Variants in ROBO3 observed in about 807,000 individuals in gnomAD.
ROBO3 encodes the protein roundabout guidance receptor 3.
Under a neutral mutation model 160.5 loss-of-function variants are expected in ROBO3, and 97 were observed. The ratio of observed to expected loss-of-function variants is 0.60; its 90% CI spans 0.51 to 0.72. The LOEUF (loss-of-function observed/expected upper bound fraction) is 0.72. Among genes scored for constraint, ROBO3 ranks in the 30% least tolerant of loss-of-function variants. The pLI, the probability that ROBO3 is intolerant of heterozygous loss-of-function variation, is 0.00. For synonymous variants in ROBO3, 780 were observed against 746.2 expected (o/e 1.05, Z -0.74); for missense variants, 1,858 against 1,846.5 (o/e 1.01, Z -0.11).
At position 124,874,121 on chromosome 11, in the gene ROBO3, G is replaced by C. The variant is rs889301740; in HGVS notation, c.1836G>C (p.Glu612Asp). 1 of 1,613,990 alleles carries C rather than the reference G, an allele frequency of 6.2e-7. No individual in the cohort carries two copies. Among genetic ancestry groups the C allele is most frequent in the Non-Finnish European group, 8.5e-7 (1 of 1,179,892 alleles). The change falls in exon 12 of 28, where the codon GAG (glutamate) becomes GAC (aspartate). Residue 612 changes from glutamate (E) to aspartate (D), a missense_variant. Coordinates refer to ENST00000397801, the MANE Select transcript of ROBO3 (RefSeq NM_022370.4). ...WRTVADGVQL[E>D]THTVSGLQPN... ...CTGTGGCAGATGGCGTGCAGCTGGAGACACACACAGTCAGCGGTCTGCAGC... is the reference window on the plus strand; with the variant it reads ...CTGTGGCAGATGGCGTGCAGCTGGACACACACACAGTCAGCGGTCTGCAGC...
At chr11:124,868,406 A>C in intron 1 of ROBO3, 1 of 522,002 alleles carries the variant, frequency 1.9e-6, no homozygotes, top group Non-Finnish European at 3.5e-6. Context: ...AGCAAGGACG[A>C]TCCGTGAACC....
chr11:124,875,355 C>A lies in ROBO3; in HGVS notation c.2299+19C>A, dbSNP rs1302575967. 6.6e-7 allele frequency: 1 copy of A among 1,506,378 alleles called. No individual in the cohort carries two copies. The highest frequency in any genetic ancestry group is 1.8e-5 in the Admixed American group (1 of 55,110). The allele number at this position is 1,506,378 out of a possible 1,614,324, so 93.3% of individuals were successfully genotyped here. ...GAGGAGGGTAAGGAGGGCCACCGAA[C>A]AGATGGATGGACAAGAGGGAAGAAG... is the stretch of plus-strand genomic sequence containing the variant. On this transcript the variant is annotated intron_variant, in intron 14 of 27. Transcript: ENST00000397801.
Position 124,869,154 on chromosome 11 carries a change from G to T in ROBO3, c.487+26G>T. The T allele has an allele frequency of 2.0e-6, 3 of 1,514,794 alleles. No individual in the cohort carries two copies. The highest frequency in any genetic ancestry group is 2.7e-6 in the Non-Finnish European group (3 of 1,129,124). The allele number at this position is 1,514,794 out of a possible 1,614,324, so 93.8% of individuals were successfully genotyped here. A position where few individuals can be genotyped will look rare whatever the true frequency, so the allele number is the denominator to read the frequency against. On this transcript the variant is annotated intron_variant, in intron 2 of 27. Coordinates refer to ENST00000397801, the MANE Select transcript of ROBO3 (RefSeq NM_022370.4). This position sits in a 1 kb window ranked among gnomAD's most constrained non-coding sequence, Gnocchi z 4.2. ...GTGAGAGTCAGTTGACCGTCAGCTG[G>T]TTGCTTCCAGAGCCTGGGGTAGGCG...
Position 124,878,760 on chromosome 11 carries a change from C to G in ROBO3, c.3497C>G (p.Pro1166Arg). ...LTPSPPDPPQPPTDMPHLHQM... is the reference protein window; with the variant it reads ...LTPSPPDPPQRPTDMPHLHQM... ...CCCTCACCTCCTGACCCTCCCCAGC[C>G]CCCAACTGACATGCCCCATCTCCAT... is the stretch of plus-strand genomic sequence containing the variant. Residue 1166 changes from proline to arginine, a missense_variant, in exon 23 of 28, where the codon CCC becomes CGC. Coordinates refer to ENST00000397801, the MANE Select transcript of ROBO3 (RefSeq NM_022370.4). This position sits in a 1 kb window ranked among gnomAD's most constrained non-coding sequence, Gnocchi z 4.3. 6.2e-7 allele frequency: 1 copy of G among 1,613,674 alleles called. No individual in the cohort carries two copies. The highest frequency in any genetic ancestry group is 8.5e-7 in the Non-Finnish European group (1 of 1,179,848).
intron 13 of ROBO3, 33 bp from the exon 14 acceptor site, chr11:124,875,078 C>T: frequency 6.4e-7 from 1 of 1,557,796 alleles, no homozygotes; most frequent in Non-Finnish European, 8.7e-7. Context: ...CCCCAGCCTC[C>T]CCTTCTGGTG....
chr11:124,873,090 G>A lies in ROBO3; in HGVS notation c.1536+1G>A, dbSNP rs1295362049. The A allele has an allele frequency of 1.2e-6, 2 of 1,612,656 alleles. No homozygotes were observed. Among genetic ancestry groups the A allele is most frequent in the Admixed American group, 1.7e-5 (1 of 59,950 alleles). ...TACCCTGTACATCGCCAATGTGCAG[G>A]TGAGTGTCACCCCTGGGGCCCTAGT... On this transcript the variant is annotated splice_donor_variant, in intron 9 of 27. Coordinates refer to ENST00000397801, the MANE Select transcript of ROBO3 (RefSeq NM_022370.4). LOFTEE classifies it high-confidence loss of function. This position sits in a 1 kb window ranked among gnomAD's most constrained non-coding sequence, Gnocchi z 4.5.
At position 124,869,483 on chromosome 11, in the gene ROBO3, A is replaced by C; in HGVS notation, c.521A>C (p.Asn174Thr). The C allele has an allele frequency of 1.3e-6, 2 of 1,544,670 alleles. No homozygotes were observed. The highest frequency in any genetic ancestry group is 3.8e-5 in the Admixed American group (2 of 52,078). Residue 174 changes from asparagine (N) to threonine (T), a missense_variant, in exon 3 of 28, where the codon AAC (asparagine) becomes ACC (threonine). Asn to Thr is a moderately conservative substitution (Grantham distance 65, BLOSUM62 0). Coordinates refer to ENST00000397801, the MANE Select transcript of ROBO3 (RefSeq NM_022370.4). This position sits in a 1 kb window ranked among gnomAD's most constrained non-coding sequence, Gnocchi z 4.2. Reference protein sequence around the residue: ...LRDDFRQSPGNVVVAVGEPAV... With the variant: ...LRDDFRQSPGTVVVAVGEPAV... ...GATGATTTCCGGCAGTCTCCTGGAA[A>C]CGTGGTGGTGGCAGTGGGGGAGCCA...
In ROBO3 at chr11:124,873,745, C is replaced by T. The variant is rs745766681; in HGVS notation, c.1667C>T (p.Pro556Leu). The part of the protein sequence containing the change: ...PDPPTEPSSP[P>L]GAPSQPVVTE... ...CCCCCTACAGAACCCAGTTCCCCTCCGGGGGCTCCCTCTCAGCCAGTGGTC... is the reference window on the plus strand; with the variant it reads ...CCCCCTACAGAACCCAGTTCCCCTCTGGGGGCTCCCTCTCAGCCAGTGGTC... Residue 556 changes from proline (P) to leucine (L), a missense_variant, in exon 11 of 28, where the codon CCG becomes CTG. Transcript: ENST00000397801. This position sits in a 1 kb window ranked among gnomAD's most constrained non-coding sequence, Gnocchi z 4.5. The T allele has an allele frequency of 3.8e-5, 62 of 1,613,756 alleles. No individual in the cohort carries two copies. In the Middle Eastern group the frequency reaches 4.9e-4, roughly 13 times the overall value.
At position 124,875,893 on chromosome 11, in the gene ROBO3, G is replaced by A. The variant is rs377557968; in HGVS notation, c.2422-61G>A. ...GCTTCTCTACCATTTGGAGCCTTAA[G>A]TTTCCCGGTGAGGCTAAGAATCCCA... On this transcript the variant is annotated intron_variant, in intron 15 of 27. Transcript: ENST00000397801. 1,964 of 1,550,120 alleles carry A rather than the reference G, an allele frequency of 1.3e-3. 31 individuals are homozygous for A. In the South Asian group the frequency reaches 0.019, roughly 15 times the overall value.
intron 24 of ROBO3, 45 bp downstream of exon 24, chr11:124,879,386 C>T (rs971188616): frequency 6.2e-7 from 1 of 1,605,760 alleles, no homozygotes; most frequent in African/African-American, 1.3e-5. Flanking sequence ...CCCTCCAGTG[C>T]TTGCTTCCCC....
Position 124,873,683 on chromosome 11 carries a change from A to G in ROBO3, c.1619-14A>G, listed in dbSNP as rs1409945116. 6.3e-7 allele frequency: 1 copy of G among 1,598,310 alleles called. No homozygotes were observed. ...TTCCCTATCTTTCTACTTAAAGATT[A>G]TCTCCCACTGCAGAAGACTGGGGAG... On this transcript the variant is annotated splice_polypyrimidine_tract_variant and intron_variant, in intron 10 of 27. Transcript: ENST00000397801. The surrounding 1 kb of genome is among the most constrained non-coding windows in gnomAD (Gnocchi z 4.5).
chr11:124,869,438 C>CCCCCCCCCCCCG lies in ROBO3; in HGVS notation c.488-12_488-11insCCCCCCCCCCCG. 1 of 1,450,042 alleles carries CCCCCCCCCCCCG rather than the reference C, an allele frequency of 6.9e-7. No individual in the cohort carries two copies. Among genetic ancestry groups the CCCCCCCCCCCCG allele is most frequent in the African/African-American group, 1.5e-5 (1 of 68,140 alleles). 89.8% of individuals were successfully genotyped at this position (1,450,042 alleles called of 1,614,324 possible). On this transcript the variant is annotated splice_polypyrimidine_tract_variant and intron_variant, in intron 2 of 27. Coordinates refer to ENST00000397801, the MANE Select transcript of ROBO3 (RefSeq NM_022370.4). The surrounding 1 kb of genome is among the most constrained non-coding windows in gnomAD (Gnocchi z 4.2). ...ACACCCTGCTTATTTCGCCCCCCAC[C>CCCCCCCCCCCCG]GCCCCGCCCAGTCCTCCGTGATGAT... is the stretch of plus-strand genomic sequence containing the variant.
Position 124,869,429 on chromosome 11 carries a change from G to GCCCCCCCCCCCCCCCCCCCCCCCCC in ROBO3, c.488-15_488-14insCCCCCCCCCCCCCCCCCCCCCCCCC. Reference sequence around the variant, plus strand: ...TGTCACTCTACACCCTGCTTATTTCGCCCCCCACCGCCCCGCCCAGTCCTC... The same window carrying GCCCCCCCCCCCCCCCCCCCCCCCCC: ...TGTCACTCTACACCCTGCTTATTTCGCCCCCCCCCCCCCCCCCCCCCCCCCCCCCCCACCGCCCCGCCCAGTCCTC... On this transcript the variant is annotated intron_variant, in intron 2 of 27. Transcript: ENST00000397801. The surrounding 1 kb of genome is among the most constrained non-coding windows in gnomAD (Gnocchi z 4.2). 7.7e-7 allele frequency: 1 copy of GCCCCCCCCCCCCCCCCCCCCCCCCC among 1,295,760 alleles called. No individual in the cohort carries two copies. Among genetic ancestry groups the GCCCCCCCCCCCCCCCCCCCCCCCCC allele is most frequent in the Non-Finnish European group, 1.1e-6 (1 of 929,940 alleles). 80.3% of individuals were successfully genotyped at this position (1,295,760 alleles called of 1,614,324 possible).
At position 124,875,672 on chromosome 11, in the gene ROBO3, T is replaced by C. The variant is rs1416052510; in HGVS notation, c.2408T>C (p.Ile803Thr). The change falls in exon 15 of 28, where the codon ATC (isoleucine) becomes ACC (threonine). Residue 803 changes from isoleucine (I) to threonine (T), a missense_variant. Physicochemically the swap from Ile to Thr is moderately conservative, Grantham distance 89. Transcript: ENST00000397801. ...PPLPSQQNGV[I>T]TEYQIWCLGN... ...CTCCCCTCCCAGCAAAATGGGGTCA[T>C]CACGGAATACCAGGTAGAGGGATTG... 1.9e-6 allele frequency: 3 copies of C among 1,607,754 alleles called. No individual in the cohort carries two copies. The highest frequency in any genetic ancestry group is 1.7e-6 in the Non-Finnish European group (2 of 1,177,444).
chr11:124,877,732 C>A, intron 20 of ROBO3, 74 bp downstream of exon 20: 2 of 1,558,418 alleles, frequency 1.3e-6, no homozygotes, highest in Non-Finnish European at 1.7e-6. Flanking sequence ...GAAGGGCGCC[C>A]GGGAGCCCGG....
In ROBO3 at chr11:124,876,233, G is replaced by A; in HGVS notation, c.2594-42G>A. ...GGGAATGACCCTTTCCCAGTTCCAG[G>A]GTTTCGGGCCCCTCCTCCCCTCACT... On this transcript the variant is annotated intron_variant, in intron 16 of 27. Transcript: ENST00000397801. This position sits in a 1 kb window ranked among gnomAD's most constrained non-coding sequence, Gnocchi z 5.3. The A allele has an allele frequency of 6.7e-7, 1 of 1,496,454 alleles. No individual in the cohort carries two copies. The highest frequency in any genetic ancestry group is 8.8e-7 in the Non-Finnish European group (1 of 1,131,692). 92.7% of individuals were successfully genotyped at this position (1,496,454 alleles called of 1,614,324 possible). A position where few individuals can be genotyped will look rare whatever the true frequency, so the allele number is the denominator to read the frequency against.
rs569009441 is a variant in ROBO3, at chr11:124,880,599, A to T, written c.4140A>T (p.Lys1380Asn). ...GCCAGAGCCAAAGGCCAGGACAGAA[A>T]CGCCGAGAGGTAGGGGCCATAGATT... is the stretch of plus-strand genomic sequence containing the variant. Reference protein sequence around the residue: ...SRSQSQRPGQKRREEPR With the variant: ...SRSQSQRPGQNRREEPR The change falls in exon 27 of 28, where the codon AAA (lysine) becomes AAT (asparagine). Residue 1380 changes from lysine (K) to asparagine (N), a missense_variant. Transcript: ENST00000397801. The T allele has an allele frequency of 3.2e-6, 5 of 1,545,752 alleles. No individual in the cohort carries two copies. Among genetic ancestry groups the T allele is most frequent in the Admixed American group, 4.0e-5 (2 of 50,406 alleles).
rs1433176443 is a variant in ROBO3 at position 124,869,943 on chromosome 11, T to C, written c.646-5T>C. 1.3e-6 allele frequency: 2 copies of C among 1,595,542 alleles called. No homozygotes were observed. The highest frequency in any genetic ancestry group is 2.3e-5 in the South Asian group (2 of 88,464). The stretch of plus-strand genomic sequence containing the variant: ...TGGACCAAAGTTACCATTATTGCTC[T>C]GCAGATCCGTGGAGGGAAGCTGATG... On this transcript the variant is annotated splice_polypyrimidine_tract_variant and splice_region_variant and intron_variant, in intron 3 of 27. Coordinates refer to ENST00000397801, the MANE Select transcript of ROBO3 (RefSeq NM_022370.4). The surrounding 1 kb of genome is among the most constrained non-coding windows in gnomAD (Gnocchi z 4.2).
intron 6 of ROBO3, 101 bp downstream of exon 6, chr11:124,870,829 T>C: frequency 6.5e-7 from 1 of 1,545,678 alleles, no homozygotes. Flanking sequence ...GAAGGGCATG[T>C]GGATGGAACA....
Sources: allele counts gnomAD v4.1 joint callset, GRCh38; gene constraint gnomAD v4.1.1; non-coding constraint Gnocchi (gnomAD v3.1); transcripts MANE v1.5; gene names NCBI Gene and HGNC (gene_info 2026-07-23, HGNC 2026-07-21).